Variants in RYR2 observed in about 807,000 individuals in gnomAD.
RYR2 encodes the protein cardiac muscle ryanodine receptor-calcium release channel.
Under a neutral mutation model 601.1 loss-of-function variants are expected in RYR2, and 227 were observed. The observed-to-expected ratio is 0.38, with a 90% CI of 0.34 to 0.42. RYR2 has a LOEUF of 0.42. Among genes scored for constraint, RYR2 ranks in the 10% least tolerant of loss-of-function variants. RYR2 has a pLI of 1.00. For synonymous variants in RYR2, 2,223 were observed against 2,175.1 expected (o/e 1.02, Z -0.61); for missense variants, 4,646 against 6,156.5 (o/e 0.75, Z 8.21).
chr1:237,187,584 C>T (rs540815463), intron 1 of RYR2, among the ~76,000 whole-genome samples: 1 of 151,280 alleles, frequency 6.6e-6, no homozygotes, highest in African/African-American at 2.4e-5. Context: ...GCTGGGACTG[C>T]AGGCATGCAC....
intron 81 of RYR2, 56 bp downstream of exon 81, chr1:237,756,443 T>G (rs911049614): frequency 5.2e-6 from 6 of 1,160,832 alleles, no homozygotes; most frequent in Non-Finnish European, 7.6e-6. Flanking sequence ...TCCTCGTTGC[T>G]CTCAAGGTCC....
chr1:237,385,283 T>C (rs930950263), intron 8 of RYR2, among the ~76,000 whole-genome samples: 5 of 152,210 alleles, frequency 3.3e-5, no homozygotes, highest in African/African-American at 1.2e-4. Flanking sequence ...TACATATGCA[T>C]ATACATACAC....
chr1:237,479,387 C>G (rs1661775827), intron 17 of RYR2, among the ~76,000 whole-genome samples: 1 of 152,188 alleles, frequency 6.6e-6, no homozygotes, highest in Admixed American at 6.5e-5. Flanking sequence ...CTAGACTATT[C>G]TATGCACCTT....
chr1:237,524,688 G>GTGTA, intron 24 of RYR2, among the ~76,000 whole-genome samples: 1 of 150,880 alleles, frequency 6.6e-6, no homozygotes, highest in East Asian at 1.9e-4. Context: ...AACCAACAGG[G>GTGTA]TGTATGTATG....
rs876657986 is a variant in RYR2 at position 237,819,066 on chromosome 1, C to A, written c.14464C>A (p.Arg4822Ser). The A allele has an allele frequency of 1.2e-6, 2 of 1,613,650 alleles. No individual in the cohort carries two copies. Among genetic ancestry groups the A allele is most frequent in the Non-Finnish European group, 1.7e-6 (2 of 1,179,808 alleles). The stretch of plus-strand genomic sequence containing the variant: ...TATGTTCCACATGTATGTTGGAGTT[C>A]GTGCTGGAGGAGGGATCGGGGATGA... Reference protein sequence around the residue: ...CYMFHMYVGVRAGGGIGDEIE... With the variant: ...CYMFHMYVGVSAGGGIGDEIE... The change falls in exon 101 of 105, where the codon CGT (arginine) becomes AGT (serine). Residue 4822 changes from arginine (R) to serine (S), a missense_variant. By Grantham distance (110) the Arg-to-Ser change is moderately radical. Around this residue, in one of 17 missense-constraint regions of RYR2, gnomAD observed 55 missense variants for 204.7 expected, o/e 0.27. Coordinates refer to ENST00000366574, the MANE Select transcript of RYR2 (RefSeq NM_001035.3). This position sits in a 1 kb window ranked among gnomAD's most constrained non-coding sequence, Gnocchi z 4.0.
At chr1:237,522,838 A>G (rs1487192202) in intron 24 of RYR2, among the ~76,000 whole-genome samples, 1 of 152,188 alleles carries the variant, frequency 6.6e-6, no homozygotes, top group Non-Finnish European at 1.5e-5. Context: ...TGCTTAATCT[A>G]GTAGTAAATA....
At position 237,819,195 on chromosome 1, in the gene RYR2, A is replaced by C; in HGVS notation, c.14590+3A>C. 6.2e-7 allele frequency: 1 copy of C among 1,612,044 alleles called. No individual in the cohort carries two copies. Among genetic ancestry groups the C allele is most frequent in the Non-Finnish European group, 8.5e-7 (1 of 1,178,336 alleles). ...CATTCTCTTGGCCATAATACAAGGT[A>C]AGTATCCTCCTCACTGAAGCTGATG... On this transcript the variant is annotated splice_donor_region_variant and intron_variant, in intron 101 of 104. Coordinates refer to ENST00000366574, the MANE Select transcript of RYR2 (RefSeq NM_001035.3). The surrounding 1 kb of genome is among the most constrained non-coding windows in gnomAD (Gnocchi z 4.0).
chr1:237,129,524 G>C (rs541330986), intron 1 of RYR2, among the ~76,000 whole-genome samples: 1 of 152,162 alleles, frequency 6.6e-6, no homozygotes, highest in African/African-American at 2.4e-5. Flanking sequence ...AAGCAATTTT[G>C]ACAGATTGAA....
At position 237,639,021 on chromosome 1, in the gene RYR2, G is replaced by C; in HGVS notation, c.6935G>C (p.Ser2312Thr). 1 of 1,613,622 alleles carries C rather than the reference G, an allele frequency of 6.2e-7. No individual in the cohort carries two copies. Among genetic ancestry groups the C allele is most frequent in the East Asian group, 2.2e-5 (1 of 44,886 alleles). The change falls in exon 46 of 105, where the codon AGT (serine) becomes ACT (threonine). Residue 2312 changes from serine (S) to threonine (T), a missense_variant. By Grantham distance (58) the Ser-to-Thr change is moderately conservative. Coordinates refer to ENST00000366574, the MANE Select transcript of RYR2 (RefSeq NM_001035.3). ...CTTCCCCATTCTACTTTAGGGGAGA[G>C]TGTGGAGGAAAATGCAAATGTCGTG... The part of the protein sequence containing the change: ...LRFAVFCNGE[S>T]VEENANVVVR...
chr1:237,147,390 A>C (rs1572009589), intron 1 of RYR2, among the ~76,000 whole-genome samples: 1 of 151,308 alleles, frequency 6.6e-6, no homozygotes, highest in African/African-American at 2.5e-5. Flanking sequence ...ATGAAAAAAT[A>C]TTATGAGGGT....
intron 30 of RYR2, 92 bp from the exon 31 acceptor site, chr1:237,590,548 A>G (rs897862081): frequency 1.9e-6 from 2 of 1,037,078 alleles, no homozygotes; most frequent in Admixed American, 2.4e-5. Flanking sequence ...CGCATTTGGG[A>G]TTCTGAAAAC....
chr1:237,529,044 A>G (rs560641742), intron 24 of RYR2, among the ~76,000 whole-genome samples: 5 of 152,296 alleles, frequency 3.3e-5, no homozygotes, highest in Admixed American at 2.0e-4. Flanking sequence ...TGAAGATACT[A>G]TCATAATTGC....
intron 17 of RYR2, among the ~76,000 whole-genome samples, chr1:237,478,549 A>G (rs16835294): frequency 0.039 from 5,874 of 152,340 alleles, 114 homozygotes; most frequent in East Asian, 0.071. Flanking sequence ...CACACTGCTA[A>G]GATATGATAT....
chr1:237,555,111 C>T (rs911867268), intron 27 of RYR2: 8 of 152,022 alleles, frequency 5.3e-5, no homozygotes, highest in African/African-American at 1.9e-4. Context: ...CGTTAATGTT[C>T]AATCACAGTA....
intron 2 of RYR2, among the ~76,000 whole-genome samples, chr1:237,276,966 T>G (rs924312445): frequency 6.6e-6 from 1 of 152,124 alleles, no homozygotes; most frequent in Non-Finnish European, 1.5e-5. Flanking sequence ...AAGAAAAAAT[T>G]TTTTGCAAAG....
intron 58 of RYR2, among the ~76,000 whole-genome samples, chr1:237,672,048 G>A (rs1183054455): frequency 6.6e-6 from 1 of 152,098 alleles, no homozygotes; most frequent in Non-Finnish European, 1.5e-5. Flanking sequence ...TTCAGCACAA[G>A]ATGTCTACAC....
chr1:237,791,023 C>A (rs975553804), intron 92 of RYR2, among the ~76,000 whole-genome samples: 1 of 152,102 alleles, frequency 6.6e-6, no homozygotes, highest in Non-Finnish European at 1.5e-5. Flanking sequence ...CTCTCTTTGA[C>A]ACACTCTTTC....
rs181882413 is a variant in RYR2, at chr1:237,353,366, G to A, written c.274-2599G>A. Among the ~76,000 whole-genome samples the A allele has an allele frequency of 8.0e-3, 1,214 of 151,916 alleles. 21 individuals carry two copies. The highest frequency in any genetic ancestry group is 0.03 in the Admixed American group (451 of 15,256). ...TCTACTAAAAATACAAAAATTAGCC[G>A]GGTGTGGTGGCGGGCACCTGTAATC... is the stretch of plus-strand genomic sequence containing the variant. On this transcript the variant is annotated intron_variant, in intron 3 of 104. Transcript: ENST00000366574.
intron 1 of RYR2, among the ~76,000 whole-genome samples, chr1:237,044,643 AT>A (rs10675131): frequency 1.3e-4 from 19 of 147,340 alleles, no homozygotes; most frequent in South Asian, 6.4e-4. Context: ...GAGCAGGGGG[AT>A]TTTTTTTTTT....
Sources: allele counts gnomAD v4.1 joint callset (sites outside exome capture counted in the v4.1 genomes callset), GRCh38; gene constraint gnomAD v4.1.1; regional missense constraint gnomAD v4.1.1; non-coding constraint Gnocchi (gnomAD v3.1); transcripts MANE v1.5; gene names NCBI Gene and HGNC (gene_info 2026-07-23, HGNC 2026-07-21).